Variants in ISLR2 observed in about 807,000 individuals in gnomAD.
ISLR2 encodes the protein immunoglobulin superfamily containing leucine-rich repeat protein 2.
In ISLR2, 16 loss-of-function variants were observed where a neutral mutation model predicts 25.5. The ratio of observed to expected loss-of-function variants is 0.63; its 90% CI spans 0.43 to 0.95. The LOEUF (loss-of-function observed/expected upper bound fraction) is 0.95. Among genes scored for constraint, ISLR2 ranks in the 40% least tolerant of loss-of-function variants. The pLI is 0.00. For synonymous variants in ISLR2, 508 were observed against 486.6 expected, an observed-to-expected ratio of 1.04 and a Z score of -0.58; for missense variants, 883 against 1,030.7, an observed-to-expected ratio of 0.86 and a Z score of 1.96.
In ISLR2 at chr15:74,114,314, T is replaced by TATC; in HGVS notation, n.228+10403_228+10405dup. Among the ~76,000 whole-genome samples, 3 of 152,324 alleles carry TATC rather than the reference T, an allele frequency of 2.0e-5. No individual in the cohort carries two copies. The Middle Eastern group carries it at 0.01, about 518-fold the overall frequency. On this transcript the variant is annotated intron_variant and non_coding_transcript_variant, in intron 2 of 3. Coordinates refer to the ISLR2 transcript ENST00000561975. ...TGGCCACAATTCGAAGTACGATTAA[T>TATC]ATCATATTCATTCTATTCTAAAAGT...
At chr15:74,117,770 A>G (rs2072222010) in intron 2 of ISLR2, among the ~76,000 whole-genome samples, 1 of 152,190 alleles carries the variant, frequency 6.6e-6, no homozygotes, top group Non-Finnish European at 1.5e-5. Context: ...CTAACACAAC[A>G]GCTCCCTGGA....
In ISLR2 at chr15:74,136,710, G is replaced by C. The variant is rs1465317694; in HGVS notation, c.*1718G>C. ...GGATCAGCCCTCTCCGCGAAGCGCAGCACAAGCGCGGGCCTGGGACGGAGT... is the reference window on the plus strand; with the variant it reads ...GGATCAGCCCTCTCCGCGAAGCGCACCACAAGCGCGGGCCTGGGACGGAGT... On this transcript the variant is annotated 3_prime_UTR_variant, in exon 3 of 3. Transcript: ENST00000453268. 6.0e-6 allele frequency: 1 copy of C among 167,034 alleles called. No individual in the cohort carries two copies. Among genetic ancestry groups the C allele is most frequent in the Non-Finnish European group, 1.5e-5 (1 of 68,228 alleles). The allele number at this position is 167,034 out of a possible 1,614,324, so 10.3% of individuals were successfully genotyped here.
At chr15:74,107,693 C>T (rs1027869214) in intron 2 of ISLR2, among the ~76,000 whole-genome samples, 1 of 152,220 alleles carries the variant, frequency 6.6e-6, no homozygotes, top group African/African-American at 2.4e-5. Flanking sequence ...GAAAAACCCT[C>T]CACGTCCTTG....
upstream of ISLR2, among the ~76,000 whole-genome samples, chr15:74,125,001 G>A (rs1268649458): frequency 6.6e-6 from 1 of 152,126 alleles, no homozygotes; most frequent in Non-Finnish European, 1.5e-5. Flanking sequence ...CCATCCTTGG[G>A]GGTGGGAATC....
At chr15:74,126,813 C>T (rs1415456935), upstream of ISLR2, 1 of 152,324 alleles carries the variant, frequency 6.6e-6, no homozygotes, top group Non-Finnish European at 1.5e-5. Flanking sequence ...TAAACAGGGC[C>T]TGGCTTCCCT....
chr15:74,133,225 C>A lies in ISLR2; in HGVS notation c.471C>A (p.Asn157Lys). Residue 157 changes from asparagine to lysine, a missense_variant, in exon 3 of 3, where the codon AAC becomes AAA. Transcript: ENST00000453268. The part of the protein sequence containing the change: ...PDLRSLRINN[N>K]RLRTLAPGTF... Reference sequence around the variant, plus strand: ...TGCGTTCCCTGCGCATCAACAACAACCGGCTGCGTACGCTGGCGCCTGGCA... The same window carrying A: ...TGCGTTCCCTGCGCATCAACAACAAACGGCTGCGTACGCTGGCGCCTGGCA... 6.2e-7 allele frequency: 1 copy of A among 1,612,878 alleles called. No homozygotes were observed. Among genetic ancestry groups the A allele is most frequent in the Non-Finnish European group, 8.5e-7 (1 of 1,180,008 alleles).
chr15:74,141,535 T>G (rs1299410878), downstream of ISLR2, among the ~76,000 whole-genome samples: 1 of 152,196 alleles, frequency 6.6e-6, no homozygotes, highest in Non-Finnish European at 1.5e-5. Context: ...ATGCTAATAG[T>G]CACCACCTAA....
chr15:74,133,259 G>T lies in ISLR2; in HGVS notation c.505G>T (p.Ala169Ser). Residue 169 changes from alanine to serine, a missense_variant, in exon 3 of 3, where the codon GCG (alanine) becomes TCG (serine). By Grantham distance (99) the Ala-to-Ser change is moderately conservative. This residue lies in a region of ISLR2 where 271 missense variants were observed against 387.9 expected (regional missense o/e 0.70). Transcript: ENST00000453268. ...TACGCTGGCGCCTGGCACCTTCGAC[G>T]CGCTTAGCGCGCTGTCACACTTGCA... The part of the protein sequence containing the change: ...LRTLAPGTFD[A>S]LSALSHLQLY... 1.9e-6 allele frequency: 3 copies of T among 1,611,500 alleles called. No homozygotes were observed. The highest frequency in any genetic ancestry group is 2.5e-6 in the Non-Finnish European group (3 of 1,179,994).
Position 74,134,310 on chromosome 15 carries a change from C to A in ISLR2, c.1556C>A (p.Ala519Asp). ...WGPGPGGAGG[A>D]PRPGRRPLRL... is the part of the protein sequence containing the mutation. ...CCTGGGCCCGGCGGGGCTGGCGGAG[C>A]CCCGCGACCCGGGCGGCGACCCCTG... The change falls in exon 3 of 3, where the codon GCC becomes GAC. Residue 519 changes from alanine (A) to aspartate (D), a missense_variant. By Grantham distance (126) the Ala-to-Asp change is moderately radical. Transcript: ENST00000453268. 6.6e-7 allele frequency: 1 copy of A among 1,526,572 alleles called. No individual in the cohort carries two copies. Among genetic ancestry groups the A allele is most frequent in the Non-Finnish European group, 8.8e-7 (1 of 1,139,474 alleles). The allele number at this position is 1,526,572 out of a possible 1,614,324, so 94.6% of individuals were successfully genotyped here. A position where few individuals can be genotyped will look rare whatever the true frequency, so the allele number is the denominator to read the frequency against.
chr15:74,117,053 C>T (rs910069616), intron 2 of ISLR2, among the ~76,000 whole-genome samples: 1 of 152,182 alleles, frequency 6.6e-6, no homozygotes, highest in African/African-American at 2.4e-5. Context: ...TGTCCTCAGT[C>T]TTACTGGGGA....
chr15:74,123,648 C>T (rs147102218), upstream of ISLR2, among the ~76,000 whole-genome samples: 79 of 152,266 alleles, frequency 5.2e-4, no homozygotes, highest in Non-Finnish European at 1.0e-3. Flanking sequence ...TGTTTTCCAC[C>T]TCAACAGTAA....
At chr15:74,113,003 C>T (rs775001515) in intron 2 of ISLR2, among the ~76,000 whole-genome samples, 17 of 152,066 alleles carry the variant, frequency 1.1e-4, no homozygotes, top group Non-Finnish European at 2.1e-4. Context: ...ACTGGTTTCA[C>T]GGAAGACAAT....
intron 2 of ISLR2, among the ~76,000 whole-genome samples, chr15:74,106,453 G>C (rs1595935675): frequency 6.6e-6 from 1 of 152,202 alleles, no homozygotes; most frequent in African/African-American, 2.4e-5. Flanking sequence ...AGGGACCCCT[G>C]CTCATGCTCT....
rs201306990 is a variant in ISLR2, at chr15:74,133,002, C to T, written c.248C>T (p.Ala83Val). 2 of 1,610,970 alleles carry T rather than the reference C, an allele frequency of 1.2e-6. No homozygotes were observed. The highest frequency in any genetic ancestry group is 8.5e-7 in the Non-Finnish European group (1 of 1,179,604). The change falls in exon 3 of 3, where the codon GCG becomes GTG. Residue 83 changes from alanine (A) to valine (V), a missense_variant. This residue lies in a region of ISLR2 where 271 missense variants were observed against 387.9 expected (regional missense o/e 0.70). Transcript: ENST00000453268. ...ACACAGGTCACGTCGCTGTGGCTGG[C>T]GCACAATGAGGTGCGCACCGTGGAG... Reference protein sequence around the residue: ...DVTQVTSLWLAHNEVRTVEPG... With the variant: ...DVTQVTSLWLVHNEVRTVEPG...
rs766016409 is a variant in ISLR2 at position 74,135,014 on chromosome 15, C to G, written c.*22C>G. ...CTGAACCTCCGCCCGTCCGGCCCGC[C>G]CATTCCCGACCTCCACCTAGGGTGC... On this transcript the variant is annotated 3_prime_UTR_variant, in exon 3 of 3. Coordinates refer to ENST00000453268, the MANE Select transcript of ISLR2 (RefSeq NM_020851.3). 6.2e-7 allele frequency: 1 copy of G among 1,601,430 alleles called. No homozygotes were observed. Among genetic ancestry groups the G allele is most frequent in the East Asian group, 2.2e-5 (1 of 44,708 alleles).
At position 74,134,215 on chromosome 15, in the gene ISLR2, C is replaced by T. The variant is rs1158154632; in HGVS notation, c.1461C>T (p.Gly487=). 6.2e-7 allele frequency: 1 copy of T among 1,606,308 alleles called. No individual in the cohort carries two copies. The highest frequency in any genetic ancestry group is 1.3e-5 in the African/African-American group (1 of 74,914). Residue 487 remains glycine, a synonymous_variant, in exon 3 of 3, where the codon GGC becomes GGT. Coordinates refer to ENST00000453268, the MANE Select transcript of ISLR2 (RefSeq NM_020851.3). ...AELKPHVFEL[G]VIALDVAERE... is the part of the protein sequence containing the mutation. ...TCAAGCCGCACGTCTTCGAGCTGGG[C>T]GTCATCGCGCTGGATGTGGCGGAGC...
intron 2 of ISLR2, among the ~76,000 whole-genome samples, chr15:74,118,423 C>T (rs941174610): frequency 4.6e-5 from 7 of 152,130 alleles, no homozygotes; most frequent in Non-Finnish European, 7.3e-5. Flanking sequence ...TCATTGATAA[C>T]ATCTTATCAG....
In ISLR2 at chr15:74,134,531, A is replaced by G; in HGVS notation, c.1777A>G (p.Ile593Val). 6.2e-7 allele frequency: 1 copy of G among 1,614,062 alleles called. No individual in the cohort carries two copies. Among genetic ancestry groups the G allele is most frequent in the Non-Finnish European group, 8.5e-7 (1 of 1,180,012 alleles). The change falls in exon 3 of 3, where the codon ATA (isoleucine) becomes GTA (valine). Residue 593 changes from isoleucine (I) to valine (V), a missense_variant. This residue lies in a region of ISLR2 where 612 missense variants were observed against 642.8 expected (regional missense o/e 0.95). Transcript: ENST00000453268. ...GAAGGAGCTCCCATCGCTGCTGGTC[A>G]TAGTGGCAGTGAGCGTATTCCTCCT... is the stretch of plus-strand genomic sequence containing the variant. ...TKKELPSLLV[I>V]VAVSVFLLVL...
At chr15:74,122,993 T>A (rs535950888) in intron 2 of ISLR2, among the ~76,000 whole-genome samples, 3 of 152,006 alleles carry the variant, frequency 2.0e-5, no homozygotes, top group Admixed American at 6.6e-5. Flanking sequence ...GGACTGAGAG[T>A]TGCAGAGCAG....
Sources: allele counts gnomAD v4.1 joint callset (sites outside exome capture counted in the v4.1 genomes callset), GRCh38; gene constraint gnomAD v4.1.1; regional missense constraint gnomAD v4.1.1; transcripts MANE v1.5; gene names NCBI Gene and HGNC (gene_info 2026-07-23, HGNC 2026-07-21).